The following ANKRD27 variants were observed in gnomAD, a reference collection of about 807,000 sequenced individuals.
The protein encoded by ANKRD27 is ankyrin repeat domain 27, also known as ankyrin repeat domain-containing protein 27.
Under a neutral mutation model 129.7 loss-of-function variants are expected in ANKRD27, and 112 were observed. That is an observed-to-expected ratio of 0.86 (90% CI 0.74 to 1.01). The LOEUF is 1.01. Among genes scored for constraint, ANKRD27 ranks in the 50% least tolerant of loss-of-function variants. The probability of loss-of-function intolerance (pLI) is 0.00; values close to 1 mark genes in which losing one functional copy is unlikely to be tolerated. For missense variants in ANKRD27, 1,258 were observed against 1,300.5 expected, an observed-to-expected ratio of 0.97 and a Z score of 0.50; for synonymous variants, 516 against 511.2, an observed-to-expected ratio of 1.01 and a Z score of -0.13.
At chr19:32,633,679 T>A (rs1967040895) in intron 12 of ANKRD27, among the ~76,000 whole-genome samples, 1 of 151,866 alleles carries the variant, frequency 6.6e-6, no homozygotes, top group African/African-American at 2.4e-5. Flanking sequence ...TCTAGAGTCA[T>A]CCCAGTAATT....
At chr19:32,645,144 C>T (rs259224) in intron 4 of ANKRD27, among the ~76,000 whole-genome samples, 117,741 of 152,150 alleles carry the variant, frequency 0.77, 46,164 homozygotes, top group African/African-American at 0.9. Context: ...CCGGGCGCAG[C>T]GGCTCATGCC....
At chr19:32,616,857 A>G (rs764991832) in intron 21 of ANKRD27, among the ~76,000 whole-genome samples, 8 of 151,940 alleles carry the variant, frequency 5.3e-5, no homozygotes, top group Non-Finnish European at 8.8e-5. Context: ...GAACCTCACA[A>G]ACACCACTGG....
intron 14 of ANKRD27, 68 bp from the exon 15 acceptor site, chr19:32,628,233 T>C (rs1400742836): frequency 1.3e-5 from 18 of 1,349,680 alleles, no homozygotes; most frequent in Non-Finnish European, 1.8e-5. Flanking sequence ...CCTGACCAGG[T>C]AGATAGGCAG....
chr19:32,648,341 A>G (rs1967342454), intron 3 of ANKRD27, among the ~76,000 whole-genome samples: 1 of 152,230 alleles, frequency 6.6e-6, no homozygotes, highest in Non-Finnish European at 1.5e-5. Flanking sequence ...TATAATTGGT[A>G]TAATCAGCAC....
chr19:32,620,678 T>C (rs446899), intron 18 of ANKRD27, among the ~76,000 whole-genome samples: 111,665 of 151,530 alleles, frequency 0.74, 41,579 homozygotes, highest in African/African-American at 0.84. Flanking sequence ...CTTGAGGTCA[T>C]GAGTTTGAGA....
At chr19:32,614,870 C>T (rs1200776413) in intron 22 of ANKRD27, among the ~76,000 whole-genome samples, 1 of 152,084 alleles carries the variant, frequency 6.6e-6, no homozygotes, top group African/African-American at 2.4e-5. Context: ...CGGATTGCAT[C>T]AATGTTGATA....
At chr19:32,642,247 C>G in intron 9 of ANKRD27, 102 bp from the exon 10 acceptor site, 2 of 1,204,192 alleles carry the variant, frequency 1.7e-6, no homozygotes, top group South Asian at 4.5e-5. Flanking sequence ...TCACAACAAA[C>G]CAGAAGGAAT....
chr19:32,673,806 G>A (rs1365511966), intron 1 of ANKRD27, among the ~76,000 whole-genome samples: 2 of 152,012 alleles, frequency 1.3e-5, no homozygotes, highest in Non-Finnish European at 2.9e-5. Context: ...CGGACCCTTA[G>A]GCCACCTCAA....
At chr19:32,599,385 CTG>C (rs1971616993) in intron 28 of ANKRD27, among the ~76,000 whole-genome samples, 1 of 152,210 alleles carries the variant, frequency 6.6e-6, no homozygotes, top group African/African-American at 2.4e-5. Context: ...TATATACAAA[CTG>C]TCGTTTTCTT....
chr19:32,640,435 T>C, intron 10 of ANKRD27, 50 bp from the exon 11 acceptor site: 1 of 1,496,930 alleles, frequency 6.7e-7, no homozygotes, highest in Non-Finnish European at 9.3e-7. Flanking sequence ...TCAAATGGAC[T>C]GACAAGCATA....
In ANKRD27 at chr19:32,605,854, A is replaced by G; in HGVS notation, c.2474T>C (p.Leu825Pro). 6.2e-7 allele frequency: 1 copy of G among 1,613,920 alleles called. No homozygotes were observed. Among genetic ancestry groups the G allele is most frequent in the East Asian group, 2.2e-5 (1 of 44,866 alleles). The change falls in exon 24 of 29, where the codon CTT becomes CCT. Residue 825 changes from leucine (L) to proline (P), a missense_variant. Leu to Pro is a moderately conservative substitution (Grantham distance 98). Transcript: ENST00000306065. Reference sequence around the variant, plus strand: ...CCTCACCTGTAGCAGCAGTGCCACAAGCTCGTGATGGCCACCGGAGCAGGC... The same window carrying G: ...CCTCACCTGTAGCAGCAGTGCCACAGGCTCGTGATGGCCACCGGAGCAGGC... ...IYACSGGHHE[L>P]VALLLQHGAS...
intron 17 of ANKRD27, among the ~76,000 whole-genome samples, chr19:32,622,916 T>G (rs1972035659): frequency 6.6e-6 from 1 of 151,794 alleles, no homozygotes; most frequent in Non-Finnish European, 1.5e-5. Flanking sequence ...CAGCTGGGAC[T>G]ACAAGCATGC....
Position 32,604,429 on chromosome 19 carries a change from A to G in ANKRD27, c.2494-5T>C, listed in dbSNP as rs756537693. On this transcript the variant is annotated splice_region_variant and splice_polypyrimidine_tract_variant and intron_variant, in intron 24 of 28. Coordinates refer to ENST00000306065, the MANE Select transcript of ANKRD27 (RefSeq NM_032139.3). ...AGCGTTAATGGAGGCCCCGTGCTGG[A>G]AAGAGAAACCACACGATCAAAAGGA... 6.3e-6 allele frequency: 10 copies of G among 1,594,488 alleles called. No individual in the cohort carries two copies. The Admixed American group carries it at 1.5e-4, about 24-fold the overall frequency.
chr19:32,652,178 G>C (rs940552007), intron 2 of ANKRD27, among the ~76,000 whole-genome samples: 8 of 152,194 alleles, frequency 5.3e-5, no homozygotes, highest in African/African-American at 1.7e-4. Context: ...CAGAGTTACC[G>C]GCATAGACGA....
chr19:32,661,242 CACACA>C (rs1568419952), intron 1 of ANKRD27, among the ~76,000 whole-genome samples: 33 of 151,118 alleles, frequency 2.2e-4, no homozygotes, highest in Non-Finnish European at 3.5e-4. Flanking sequence ...CACACACACA[CACACA>C]CACATATACT....
chr19:32,656,208 A>G (rs1201137905), intron 2 of ANKRD27, among the ~76,000 whole-genome samples: 2 of 152,186 alleles, frequency 1.3e-5, no homozygotes, highest in East Asian at 3.8e-4. Context: ...AGCTTCCCCA[A>G]AGAGCTTCCA....
At chr19:32,614,540 C>A (rs12971488) in intron 22 of ANKRD27, among the ~76,000 whole-genome samples, 35 of 152,042 alleles carry the variant, frequency 2.3e-4, no homozygotes, top group Middle Eastern at 3.4e-3. Context: ...CCTGTCTCCA[C>A]TAAAAATACA....
chr19:32,628,844 A>T lies in ANKRD27; in HGVS notation c.1215T>A (p.Ile405=). 6.2e-7 allele frequency: 1 copy of T among 1,614,068 alleles called. No homozygotes were observed. Among genetic ancestry groups the T allele is most frequent in the Non-Finnish European group, 8.5e-7 (1 of 1,179,978 alleles). ...CCACTTCTTTCTGGTTACCTGATGC[A>T]ATGTGCTGAAAAGTGACATCCAAGA... ...SSPTDCLFKH[I]ASGNQKEVER... is the part of the protein sequence containing the mutation. The change falls in exon 14 of 29, where the codon ATT becomes ATA. Residue 405 remains isoleucine (I), a synonymous_variant. Transcript: ENST00000306065.
intron 18 of ANKRD27, among the ~76,000 whole-genome samples, chr19:32,620,779 C>T (rs769361645): frequency 1.1e-4 from 17 of 149,452 alleles, no homozygotes; most frequent in Non-Finnish European, 2.2e-4. Flanking sequence ...CCCAGCTACT[C>T]GAGAGCTGAG....
Sources: allele counts gnomAD v4.1 joint callset (sites outside exome capture counted in the v4.1 genomes callset), GRCh38; gene constraint gnomAD v4.1.1; transcripts MANE v1.5; gene names NCBI Gene and HGNC (gene_info 2026-07-23, HGNC 2026-07-21).